QKI: variants seen among roughly 807,000 people sequenced by gnomAD.
QKI encodes the protein KH domain-containing RNA-binding protein QKI.
In QKI, 10 loss-of-function variants were observed where a neutral mutation model predicts 39.0. That is an observed-to-expected ratio of 0.26 (90% CI 0.16 to 0.43). The LOEUF (loss-of-function observed/expected upper bound fraction) is 0.43. Among genes scored for constraint, QKI ranks in the 20% least tolerant of loss-of-function variants. QKI has a pLI of 1.00. For missense variants in QKI, 218 were observed against 428.0 expected (o/e 0.51, Z 4.33); for synonymous variants, 204 against 155.4 (o/e 1.31, Z -2.33).
intron 1 of QKI, among the ~76,000 whole-genome samples, chr6:163,437,709 A>G (rs1039150407): frequency 6.6e-6 from 1 of 152,168 alleles, no homozygotes; most frequent in East Asian, 1.9e-4. Context: ...TTAGATAACT[A>G]TTTTAGGGTT....
At chr6:163,465,890 G>C (rs908091184) in intron 2 of QKI, among the ~76,000 whole-genome samples, 2 of 151,862 alleles carry the variant, frequency 1.3e-5, no homozygotes, top group Non-Finnish European at 2.9e-5. Flanking sequence ...TTGGGAGGCC[G>C]AAGCGGGCGG....
intron 5 of QKI, 145 bp downstream of exon 5, chr6:163,562,214 C>T (rs1001853339): frequency 1.6e-5 from 7 of 443,112 alleles, no homozygotes; most frequent in Non-Finnish European, 2.8e-5. Context: ...GGCTGACAGT[C>T]CTATTTTTAA....
In QKI at chr6:163,415,075, G is replaced by T; in HGVS notation, c.-119G>T. ...CGGCGCGGGAGCCAGAGCGGGAGCCGGCGCGGAGCGGGACGCCGGGTCCCG... is the reference window on the plus strand; with the variant it reads ...CGGCGCGGGAGCCAGAGCGGGAGCCTGCGCGGAGCGGGACGCCGGGTCCCG... On this transcript the variant is annotated 5_prime_UTR_variant, in exon 1 of 8. Coordinates refer to ENST00000361752, the MANE Select transcript of QKI (RefSeq NM_006775.3). 1 of 955,750 alleles carries T rather than the reference G, an allele frequency of 1.0e-6. No individual in the cohort carries two copies. Among genetic ancestry groups the T allele is most frequent in the South Asian group, 4.7e-5 (1 of 21,454 alleles). 59.2% of individuals were successfully genotyped at this position (955,750 alleles called of 1,614,324 possible). A position where few individuals can be genotyped will look rare whatever the true frequency, so the allele number is the denominator to read the frequency against.
At chr6:163,444,130 T>G (rs1789963985) in intron 1 of QKI, among the ~76,000 whole-genome samples, 1 of 151,970 alleles carries the variant, frequency 6.6e-6, no homozygotes, top group South Asian at 2.1e-4. Flanking sequence ...CTGGCAGGAG[T>G]AGGATAGTCT....
intron 4 of QKI, among the ~76,000 whole-genome samples, chr6:163,535,895 A>G (rs986193029): frequency 3.9e-5 from 6 of 152,214 alleles, no homozygotes; most frequent in Middle Eastern, 3.4e-3. Flanking sequence ...TTGCGCCACT[A>G]TACTCCAGCC....
chr6:163,523,238 CTGAG>C (rs1340654685), intron 3 of QKI, among the ~76,000 whole-genome samples: 1 of 151,636 alleles, frequency 6.6e-6, no homozygotes, highest in African/African-American at 2.4e-5. Flanking sequence ...TGTTGCCTGA[CTGAG>C]TTTTTAAAAT....
chr6:163,526,116 C>T (rs938995209), intron 3 of QKI, among the ~76,000 whole-genome samples: 1 of 152,030 alleles, frequency 6.6e-6, no homozygotes, highest in African/African-American at 2.4e-5. Flanking sequence ...ACATACCAGA[C>T]TGATTATGTC....
At chr6:163,454,119 A>T (rs1328985677) in intron 1 of QKI, among the ~76,000 whole-genome samples, 1 of 152,150 alleles carries the variant, frequency 6.6e-6, no homozygotes, top group Non-Finnish European at 1.5e-5. Context: ...CCCAAGGAGG[A>T]CACAGTCTGT....
chr6:163,463,673 T>C (rs1791507934), intron 2 of QKI, among the ~76,000 whole-genome samples: 1 of 152,142 alleles, frequency 6.6e-6, no homozygotes, highest in Non-Finnish European at 1.5e-5. Context: ...AGATAGATTA[T>C]CACTCTAGAT....
At chr6:163,505,451 C>T (rs558815686) in intron 3 of QKI, among the ~76,000 whole-genome samples, 1 of 152,324 alleles carries the variant, frequency 6.6e-6, no homozygotes, top group South Asian at 2.1e-4. Flanking sequence ...GGGACTGAAC[C>T]TTGCAGAGCC....
chr6:163,485,711 G>C (rs982311182), intron 3 of QKI, among the ~76,000 whole-genome samples: 3 of 152,188 alleles, frequency 2.0e-5, no homozygotes, highest in African/African-American at 7.2e-5. Context: ...ATGTCAGTCA[G>C]ATGTTGCATC....
In QKI at chr6:163,566,799, A is replaced by C; in HGVS notation, c.1009+4A>C. 1 of 1,613,498 alleles carries C rather than the reference A, an allele frequency of 6.2e-7. No individual in the cohort carries two copies. Among genetic ancestry groups the C allele is most frequent in the Non-Finnish European group, 8.5e-7 (1 of 1,179,694 alleles). On this transcript the variant is annotated splice_donor_region_variant and intron_variant, in intron 7 of 7. Coordinates refer to ENST00000361752, the MANE Select transcript of QKI (RefSeq NM_006775.3). Reference sequence around the variant, plus strand: ...AGGATTGTGACCGCAGACCGAGGTTAGTTTAGTTCTGCAGTTCTTGTCTAT... The same window carrying C: ...AGGATTGTGACCGCAGACCGAGGTTCGTTTAGTTCTGCAGTTCTTGTCTAT...
chr6:163,444,591 A>C (rs1403817248), intron 1 of QKI, among the ~76,000 whole-genome samples: 1 of 152,210 alleles, frequency 6.6e-6, no homozygotes, highest in East Asian at 1.9e-4. Flanking sequence ...TTTTGCAGGG[A>C]AAGTCATCTG....
chr6:163,459,307 A>T (rs1008560983), intron 2 of QKI, among the ~76,000 whole-genome samples: 1 of 152,128 alleles, frequency 6.6e-6, no homozygotes, highest in African/African-American at 2.4e-5. Flanking sequence ...AGTTTTACCT[A>T]TGGGGACATT....
intron 5 of QKI, among the ~76,000 whole-genome samples, chr6:163,563,211 C>T (rs891517964): frequency 9.9e-5 from 15 of 152,028 alleles, no homozygotes; most frequent in African/African-American, 3.4e-4. Flanking sequence ...TTAATTTTTG[C>T]ACATTCTTAA....
At chr6:163,538,797 T>C (rs1167021240) in intron 4 of QKI, among the ~76,000 whole-genome samples, 1 of 152,152 alleles carries the variant, frequency 6.6e-6, no homozygotes, top group East Asian at 1.9e-4. Flanking sequence ...TCATGGATTT[T>C]TTTGAAGGTA....
chr6:163,500,505 T>C (rs753576481), intron 3 of QKI, among the ~76,000 whole-genome samples: 1 of 152,212 alleles, frequency 6.6e-6, no homozygotes, highest in African/African-American at 2.4e-5. Context: ...TATTGTTTGC[T>C]TTTGTTTCCT....
At chr6:163,488,386 A>C (rs565976572) in intron 3 of QKI, among the ~76,000 whole-genome samples, 58 of 152,280 alleles carry the variant, frequency 3.8e-4, no homozygotes, top group Non-Finnish European at 7.5e-4. Context: ...TCTGGGCTCT[A>C]GTGATTCTCA....
chr6:163,446,705 T>C (rs1037340053), intron 1 of QKI, among the ~76,000 whole-genome samples: 6 of 152,190 alleles, frequency 3.9e-5, no homozygotes, highest in African/African-American at 1.4e-4. Context: ...AACTCTTTTT[T>C]GGTAAGTTGA....
Sources: allele counts gnomAD v4.1 joint callset (sites outside exome capture counted in the v4.1 genomes callset), GRCh38; gene constraint gnomAD v4.1.1; transcripts MANE v1.5; gene names NCBI Gene and HGNC (gene_info 2026-07-23, HGNC 2026-07-21).